Variants in CACNA1D observed in about 807,000 individuals in gnomAD.
The protein encoded by CACNA1D is voltage-dependent L-type calcium channel subunit alpha-1D.
Under a neutral mutation model 257.1 loss-of-function variants are expected in CACNA1D, and 55 were observed. That is an observed-to-expected ratio of 0.21 (90% confidence interval 0.17 to 0.27). The LOEUF (loss-of-function observed/expected upper bound fraction) is 0.27. CACNA1D is among the 10% of genes least tolerant of loss of function. The pLI is 1.00. For missense variants in CACNA1D, 1,876 were observed against 2,784.0 expected (o/e 0.67, Z 7.34); for synonymous variants, 980 against 1,014.9 (o/e 0.97, Z 0.65).
intron 3 of CACNA1D, among the ~76,000 whole-genome samples, chr3:53,637,035 C>T (rs903566901): frequency 4.0e-5 from 6 of 149,856 alleles, no homozygotes; most frequent in African/African-American, 7.6e-5. Context: ...TTATTTTCCT[C>T]GCTCTTTTTT....
chr3:53,547,400 T>A (rs1386155907), intron 3 of CACNA1D, among the ~76,000 whole-genome samples: 2 of 152,218 alleles, frequency 1.3e-5, no homozygotes, highest in Non-Finnish European at 2.9e-5. Flanking sequence ...AAAAATATTA[T>A]GGCGTCAATT....
intron 32 of CACNA1D, among the ~76,000 whole-genome samples, chr3:53,772,366 A>T (rs2095371059): frequency 6.6e-6 from 1 of 152,224 alleles, no homozygotes; most frequent in Non-Finnish European, 1.5e-5. Flanking sequence ...CTTCAGCAGA[A>T]GCAAGGTGGT....
chr3:53,509,678 G>C (rs1284104671), intron 3 of CACNA1D, among the ~76,000 whole-genome samples: 2 of 152,054 alleles, frequency 1.3e-5, no homozygotes, highest in East Asian at 3.9e-4. Context: ...TGGCCCTGTA[G>C]GAGCCCAGCC....
In CACNA1D at chr3:53,800,959, C is replaced by A; in HGVS notation, c.5041-99C>A. The A allele has an allele frequency of 1.7e-6, 2 of 1,168,914 alleles. No homozygotes were observed. Among genetic ancestry groups the A allele is most frequent in the Non-Finnish European group, 2.6e-6 (2 of 781,262 alleles). The allele number at this position is 1,168,914 out of a possible 1,614,324, so 72.4% of individuals were successfully genotyped here. On this transcript the variant is annotated intron_variant, in intron 41 of 47. Transcript: ENST00000350061. This position sits in a 1 kb window ranked among gnomAD's most constrained non-coding sequence, Gnocchi z 4.3. ...TTTTACAGGGATCCTACGGAGCTTG[C>A]CTAGAATTTGTTTTTCATGTAGAAA... is the stretch of plus-strand genomic sequence containing the variant.
At chr3:53,526,304 G>T (rs2091763273) in intron 3 of CACNA1D, among the ~76,000 whole-genome samples, 1 of 152,204 alleles carries the variant, frequency 6.6e-6, no homozygotes, top group Non-Finnish European at 1.5e-5. Flanking sequence ...TTGGGGAAAG[G>T]TAATGATGTA....
intron 3 of CACNA1D, among the ~76,000 whole-genome samples, chr3:53,642,107 T>C (rs949717679): frequency 1.3e-5 from 2 of 152,196 alleles, no homozygotes; most frequent in Non-Finnish European, 2.9e-5. Flanking sequence ...AATTTTTGAC[T>C]TCAGGCTCAA....
At chr3:53,560,328 T>C (rs866981860) in intron 3 of CACNA1D, among the ~76,000 whole-genome samples, 3 of 152,144 alleles carry the variant, frequency 2.0e-5, no homozygotes, top group Non-Finnish European at 4.4e-5. Flanking sequence ...ATATTTGCAT[T>C]TGGTAGGAAA....
chr3:53,649,193 A>C (rs1054659747), intron 3 of CACNA1D, among the ~76,000 whole-genome samples: 7 of 152,242 alleles, frequency 4.6e-5, no homozygotes, highest in Non-Finnish European at 8.8e-5. Context: ...TGTTGGGGAT[A>C]CTGCAAGCAA....
chr3:53,500,080 A>C (rs1010347313), intron 2 of CACNA1D, among the ~76,000 whole-genome samples: 6 of 151,866 alleles, frequency 4.0e-5, no homozygotes, highest in African/African-American at 1.5e-4. Context: ...TCGAAGATGA[A>C]GGTTTTATGA....
At chr3:53,512,011 A>G (rs1178308373) in intron 3 of CACNA1D, among the ~76,000 whole-genome samples, 2 of 152,228 alleles carry the variant, frequency 1.3e-5, no homozygotes, top group African/African-American at 2.4e-5. Flanking sequence ...ATAATGAAAC[A>G]CTGTTTATAT....
rs374059819 is a variant in CACNA1D at position 53,749,203 on chromosome 3, G to A, written c.3315-65G>A. 1.1e-4 allele frequency: 126 copies of A among 1,154,050 alleles called. 1 individual carries two copies. The East Asian group carries it at 2.6e-3, about 24-fold the overall frequency. The allele number at this position is 1,154,050 out of a possible 1,614,324, so 71.5% of individuals were successfully genotyped here. ...TTCTGGAGAGGGAGGACCTGGGAAGGCAGCGGGCTGGGCCGTGTGGGCTGG... is the reference window on the plus strand; with the variant it reads ...TTCTGGAGAGGGAGGACCTGGGAAGACAGCGGGCTGGGCCGTGTGGGCTGG... On this transcript the variant is annotated intron_variant, in intron 26 of 47. Transcript: ENST00000350061.
At chr3:53,705,640 T>C (rs2094680329) in intron 9 of CACNA1D, among the ~76,000 whole-genome samples, 1 of 152,058 alleles carries the variant, frequency 6.6e-6, no homozygotes, top group East Asian at 1.9e-4. Flanking sequence ...GCTTCCCGAG[T>C]CATCAGATTT....
chr3:53,514,373 C>A (rs372107464), intron 3 of CACNA1D, among the ~76,000 whole-genome samples: 11 of 151,632 alleles, frequency 7.3e-5, no homozygotes, highest in South Asian at 2.1e-4. Context: ...GACGGCAGAA[C>A]CTTTTGGGGG....
chr3:53,772,163 T>C (rs1386078702), intron 32 of CACNA1D, among the ~76,000 whole-genome samples: 1 of 152,196 alleles, frequency 6.6e-6, no homozygotes, highest in East Asian at 1.9e-4. Context: ...ATTTGGTGTT[T>C]ATGAAGGGAG....
At chr3:53,715,638 A>AG (rs2094810520) in intron 9 of CACNA1D, among the ~76,000 whole-genome samples, 1 of 152,162 alleles carries the variant, frequency 6.6e-6, no homozygotes, top group African/African-American at 2.4e-5. Context: ...ACCCTTTTAC[A>AG]GGTGAGGCAA....
In CACNA1D at chr3:53,723,320, C is replaced by G. The variant is rs941164653; in HGVS notation, c.1667-114C>G. ...CTGAGTGAGGTAGTGAAGAGAGAGA[C>G]AAGGTATTGGCGTATTTCCTGTGGG... On this transcript the variant is annotated intron_variant, in intron 12 of 47. Coordinates refer to ENST00000350061, the MANE Select transcript of CACNA1D (RefSeq NM_001128840.3). This position sits in a 1 kb window ranked among gnomAD's most constrained non-coding sequence, Gnocchi z 5.6. The G allele has an allele frequency of 1.3e-6, 1 of 796,486 alleles. No homozygotes were observed. Among genetic ancestry groups the G allele is most frequent in the Admixed American group, 1.8e-5 (1 of 55,444 alleles). The allele number at this position is 796,486 out of a possible 1,614,324, so 49.3% of individuals were successfully genotyped here.
intron 3 of CACNA1D, among the ~76,000 whole-genome samples, chr3:53,529,268 A>G (rs2091869533): frequency 6.6e-6 from 1 of 152,218 alleles, no homozygotes; most frequent in Non-Finnish European, 1.5e-5. Context: ...TGAGATAATC[A>G]TATGGTTTTT....
chr3:53,690,517 T>C (rs2094509602), intron 8 of CACNA1D, among the ~76,000 whole-genome samples: 2 of 152,206 alleles, frequency 1.3e-5, no homozygotes, highest in South Asian at 4.1e-4. Flanking sequence ...CTCTGCCCCT[T>C]GTTCTCCGTC....
chr3:53,625,134 G>T (rs1343685513), intron 3 of CACNA1D, among the ~76,000 whole-genome samples: 1 of 152,060 alleles, frequency 6.6e-6, no homozygotes, highest in Non-Finnish European at 1.5e-5. Context: ...GGCTATATTG[G>T]GTATAGGGCA....
Sources: gnomAD v4.1 joint callset for allele counts (sites outside exome capture counted in the v4.1 genomes callset) on GRCh38, gnomAD v4.1.1 for gene constraint, Gnocchi (gnomAD v3.1) non-coding constraint, MANE v1.5 for transcripts, NCBI Gene and HGNC (gene_info 2026-07-23, HGNC 2026-07-21) for gene names.